The following KDM4C variants were observed in gnomAD, a reference collection of about 807,000 sequenced individuals.
KDM4C encodes the protein lysine demethylase 4C, also known as lysine-specific demethylase 4C.
KDM4C carries 81 observed loss-of-function variants against 129.3 expected under a neutral mutation model. That is an observed-to-expected ratio of 0.63 (90% CI 0.52 to 0.75). KDM4C has a LOEUF of 0.75. KDM4C is among the 30% of genes least tolerant of loss of function. KDM4C has a pLI of 0.00. For missense variants in KDM4C, 1,457 were observed against 1,304.0 expected, an observed-to-expected ratio of 1.12 and a Z score of -1.81; for synonymous variants, 573 against 456.1, an observed-to-expected ratio of 1.26 and a Z score of -3.26.
chr9:7,040,501 G>C (rs1828412274), intron 15 of KDM4C, among the ~76,000 whole-genome samples: 1 of 151,842 alleles, frequency 6.6e-6, no homozygotes, highest in Non-Finnish European at 1.5e-5. Flanking sequence ...CCTTCCTGCT[G>C]ATCCTTGGTA....
intron 8 of KDM4C, among the ~76,000 whole-genome samples, chr9:6,914,180 C>T (rs1480037037): frequency 1.3e-5 from 2 of 152,200 alleles, no homozygotes; most frequent in Non-Finnish European, 2.9e-5. Flanking sequence ...CTGCCTCAGC[C>T]TCCCGAGTAG....
chr9:6,822,183 G>T (rs1833149429), intron 4 of KDM4C, among the ~76,000 whole-genome samples: 1 of 152,146 alleles, frequency 6.6e-6, no homozygotes, highest in African/African-American at 2.4e-5. Flanking sequence ...CTTTCTTGGA[G>T]CCCAGTCTTT....
At chr9:6,967,890 G>A (rs1831281851) in intron 8 of KDM4C, among the ~76,000 whole-genome samples, 1 of 152,200 alleles carries the variant, frequency 6.6e-6, no homozygotes, top group East Asian at 1.9e-4. Flanking sequence ...ATATTCTATG[G>A]CTTTTCATAA....
intron 4 of KDM4C, chr9:6,834,658 G>C: frequency 1.3e-6 from 1 of 794,334 alleles, no homozygotes; most frequent in Non-Finnish European, 2.3e-6. Flanking sequence ...TGACCCTGAA[G>C]TGCCTCATCG....
intron 8 of KDM4C, among the ~76,000 whole-genome samples, chr9:6,903,488 G>A (rs1817749207): frequency 1.3e-5 from 2 of 152,270 alleles, no homozygotes; most frequent in Admixed American, 1.3e-4. Flanking sequence ...GAGAAGGTGG[G>A]CAGTGTGCAT....
At chr9:7,037,048 G>A (rs1463537140) in intron 15 of KDM4C, among the ~76,000 whole-genome samples, 3 of 152,154 alleles carry the variant, frequency 2.0e-5, no homozygotes, top group Admixed American at 2.0e-4. Context: ...GAGAGATCCT[G>A]TCTTCTCTCC....
intron 8 of KDM4C, chr9:6,978,934 A>G (rs1013820427): frequency 2.1e-5 from 3 of 144,582 alleles, no homozygotes; most frequent in African/African-American, 5.0e-5. Flanking sequence ...ATGAATATTA[A>G]TAAGGTCAAA....
chr9:6,734,158 C>G (rs1431542285), intron 1 of KDM4C, among the ~76,000 whole-genome samples: 8 of 152,088 alleles, frequency 5.3e-5, no homozygotes, highest in Admixed American at 1.3e-4. Flanking sequence ...ACACACACAA[C>G]TTAACAAGGC....
upstream of KDM4C, chr9:6,757,774 T>C (rs1818488827): frequency 1.0e-6 from 1 of 985,524 alleles, no homozygotes; most frequent in Non-Finnish European, 1.2e-6. Context: ...CGAGTATCTT[T>C]CCCCTCCGGA....
intron 21 of KDM4C, chr9:7,170,505 T>C (rs1015788266): frequency 1.9e-5 from 19 of 977,878 alleles, no homozygotes; most frequent in Middle Eastern, 5.2e-4. Context: ...TGAACAAACA[T>C]GGACAAATAT....
chr9:6,900,403 T>C (rs1817191699), intron 8 of KDM4C, among the ~76,000 whole-genome samples: 1 of 152,240 alleles, frequency 6.6e-6, no homozygotes, highest in African/African-American at 2.4e-5. Flanking sequence ...TCTTGTCCCA[T>C]GAAAGCTGTA....
intron 18 of KDM4C, among the ~76,000 whole-genome samples, chr9:7,126,956 A>G (rs1184280939): frequency 1.3e-5 from 2 of 152,200 alleles, no homozygotes; most frequent in Non-Finnish European, 2.9e-5. Context: ...AAAATAATAA[A>G]GTAAAGTATG....
chr9:7,110,263 C>G (rs1411351861), intron 18 of KDM4C, among the ~76,000 whole-genome samples: 1 of 152,182 alleles, frequency 6.6e-6, no homozygotes. Flanking sequence ...ACCAAATTTG[C>G]CATGAAAGGT....
At chr9:7,131,503 A>T (rs1840637301) in intron 19 of KDM4C, among the ~76,000 whole-genome samples, 1 of 152,162 alleles carries the variant, frequency 6.6e-6, no homozygotes, top group Non-Finnish European at 1.5e-5. Flanking sequence ...ATTTTTGTAG[A>T]GATGGGGTCT....
intron 16 of KDM4C, 60 bp from the exon 17 acceptor site, chr9:7,049,032 A>T (rs946470536): frequency 8.2e-6 from 9 of 1,092,538 alleles, no homozygotes; most frequent in African/African-American, 3.1e-5. Flanking sequence ...TGGCATCACC[A>T]AGTTGAAGTA....
intron 15 of KDM4C, among the ~76,000 whole-genome samples, chr9:7,032,071 C>T (rs998635755): frequency 3.9e-5 from 6 of 152,202 alleles, no homozygotes; most frequent in African/African-American, 1.4e-4. Flanking sequence ...TTGTGAACCA[C>T]GAAGCTCCAA....
chr9:7,024,289 G>T (rs1020271267), intron 15 of KDM4C, among the ~76,000 whole-genome samples: 16 of 132,380 alleles, frequency 1.2e-4, no homozygotes, highest in African/African-American at 2.0e-4. Flanking sequence ...TAATGTTTTC[G>T]TTTTTTTTTT....
At position 6,814,673 on chromosome 9, in the gene KDM4C, C is replaced by G. The variant is rs1289931684; in HGVS notation, c.363C>G (p.Arg121=). Residue 121 remains arginine, a synonymous_variant, in exon 4 of 22, where the codon CGC becomes CGG. Coordinates refer to ENST00000381309, the MANE Select transcript of KDM4C (RefSeq NM_015061.6). ...ACTTGGATTACGAAGATTTGGAGCG[C>G]AAGTACTGGAAGAACTTAACTTTTG... The part of the protein sequence containing the change: ...PRYLDYEDLE[R]KYWKNLTFVA... The G allele has an allele frequency of 6.2e-7, 1 of 1,610,692 alleles. No individual in the cohort carries two copies. Among genetic ancestry groups the G allele is most frequent in the Admixed American group, 1.7e-5 (1 of 59,666 alleles).
At chr9:6,985,917 C>T (rs2381528) in intron 10 of KDM4C, among the ~76,000 whole-genome samples, 1 of 152,046 alleles carries the variant, frequency 6.6e-6, no homozygotes, top group Admixed American at 6.5e-5. Flanking sequence ...TCTTGAACTT[C>T]TGGCCTCAAG....
Sources: allele counts gnomAD v4.1 joint callset (sites outside exome capture counted in the v4.1 genomes callset), GRCh38; gene constraint gnomAD v4.1.1; transcripts MANE v1.5; gene names NCBI Gene and HGNC (gene_info 2026-07-23, HGNC 2026-07-21).